Variants in ANKRD22 observed in about 807,000 individuals in gnomAD.
The protein encoded by ANKRD22 is ankyrin repeat domain-containing protein 22.
In ANKRD22, 24 loss-of-function variants were observed where a neutral mutation model predicts 25.7. The observed-to-expected ratio is 0.93, with a 90% CI of 0.68 to 1.31. The LOEUF (loss-of-function observed/expected upper bound fraction) is 1.31, where lower values mean the gene tolerates loss of function less well. Among genes scored for constraint, ANKRD22 ranks in the 50% most tolerant of loss-of-function variants. ANKRD22 has a pLI of 0.00. For synonymous variants in ANKRD22, 84 were observed against 84.3 expected, an observed-to-expected ratio of 1.00 and a Z score of 0.02; for missense variants, 214 against 227.1, an observed-to-expected ratio of 0.94 and a Z score of 0.37.
chr10:88,837,972 G>C (rs1843969435), intron 1 of ANKRD22, among the ~76,000 whole-genome samples: 1 of 152,128 alleles, frequency 6.6e-6, no homozygotes, highest in South Asian at 2.1e-4. Flanking sequence ...ACCCAGTCTT[G>C]GGTATATCTT....
intron 3 of ANKRD22, among the ~76,000 whole-genome samples, chr10:88,826,401 A>G (rs1843856669): frequency 6.6e-6 from 1 of 152,218 alleles, no homozygotes; most frequent in African/African-American, 2.4e-5. Flanking sequence ...GATGGGGCCT[A>G]GTACCTGTCT....
At chr10:88,851,294 A>G (rs1844102390) in intron 1 of ANKRD22, among the ~76,000 whole-genome samples, 1 of 152,166 alleles carries the variant, frequency 6.6e-6, no homozygotes. Context: ...GCACAACTCA[A>G]ACTCGATTTT....
At chr10:88,827,499 A>G (rs1445637965) in intron 3 of ANKRD22, among the ~76,000 whole-genome samples, 1 of 152,214 alleles carries the variant, frequency 6.6e-6, no homozygotes, top group Non-Finnish European at 1.5e-5. Context: ...ATGTTTGTAA[A>G]TAAATAACAG....
intron 4 of ANKRD22, among the ~76,000 whole-genome samples, chr10:88,825,475 A>T (rs1843847255): frequency 6.6e-6 from 1 of 152,196 alleles, no homozygotes; most frequent in Non-Finnish European, 1.5e-5. Context: ...TGTCTTATTT[A>T]TCTGTAGTTT....
At chr10:88,839,087 G>A (rs1843981277) in intron 1 of ANKRD22, among the ~76,000 whole-genome samples, 1 of 152,092 alleles carries the variant, frequency 6.6e-6, no homozygotes, top group South Asian at 2.1e-4. Context: ...CAACTTTGTG[G>A]TGATTTCTGG....
chr10:88,842,216 T>C (rs1262080651), intron 1 of ANKRD22, among the ~76,000 whole-genome samples: 1 of 152,180 alleles, frequency 6.6e-6, no homozygotes, highest in African/African-American at 2.4e-5. Flanking sequence ...ACTCTTTTTA[T>C]ATACCATCTG....
At chr10:88,847,185 G>A (rs2133082825) in intron 1 of ANKRD22, among the ~76,000 whole-genome samples, 1 of 152,130 alleles carries the variant, frequency 6.6e-6, no homozygotes, top group Non-Finnish European at 1.5e-5. Context: ...ATTAACTTCA[G>A]CATAGGACTT....
At chr10:88,839,430 T>C (rs1413893174) in intron 1 of ANKRD22, among the ~76,000 whole-genome samples, 1 of 152,192 alleles carries the variant, frequency 6.6e-6, no homozygotes, top group Non-Finnish European at 1.5e-5. Flanking sequence ...CTCCCATCTC[T>C]GGTCAGGTCA....
At position 88,851,475 on chromosome 10, in the gene ANKRD22, G is replaced by T. The variant is rs1380129710; in HGVS notation, c.21+112C>A. The T allele has an allele frequency of 3.5e-6, 4 of 1,159,130 alleles. No individual in the cohort carries two copies. In the East Asian group the frequency reaches 7.1e-5, roughly 21 times the overall value. The allele number at this position is 1,159,130 out of a possible 1,614,324, so 71.8% of individuals were successfully genotyped here. A position where few individuals can be genotyped will look rare whatever the true frequency, so the allele number is the denominator to read the frequency against. The stretch of plus-strand genomic sequence containing the variant: ...TTTTTTCTGACTTAATGCTCCCCCA[G>T]GGAGTTGAACAGACAAAACAGAAAT... On this transcript the variant is annotated intron_variant, in intron 1 of 5. Coordinates refer to ENST00000371930, the MANE Select transcript of ANKRD22 (RefSeq NM_144590.3).
In ANKRD22 at chr10:88,820,600, T is replaced by G; in HGVS notation, c.*2341A>C. 1 of 1,210,504 alleles carries G rather than the reference T, an allele frequency of 8.3e-7. No homozygotes were observed. Among genetic ancestry groups the G allele is most frequent in the Non-Finnish European group, 1.1e-6 (1 of 893,046 alleles). The allele number at this position is 1,210,504 out of a possible 1,614,324, so 75.0% of individuals were successfully genotyped here. On this transcript the variant is annotated 3_prime_UTR_variant, in exon 6 of 6. Transcript: ENST00000371930. ...AGAGCAGAGACCTAGTATACATTTTTCAGATTCCCTGCACTTGGCACTAAA... is the reference window on the plus strand; with the variant it reads ...AGAGCAGAGACCTAGTATACATTTTGCAGATTCCCTGCACTTGGCACTAAA...
intron 1 of ANKRD22, among the ~76,000 whole-genome samples, chr10:88,836,884 A>G (rs573098839): frequency 1.2e-4 from 18 of 152,322 alleles, no homozygotes; most frequent in Non-Finnish European, 2.5e-4. Flanking sequence ...GACAAAGATC[A>G]TTGAATGTGA....
Position 88,849,548 on chromosome 10 carries a change from G to C in ANKRD22, c.21+2039C>G, listed in dbSNP as rs57579144. On this transcript the variant is annotated intron_variant, in intron 1 of 5. Coordinates refer to ENST00000371930, the MANE Select transcript of ANKRD22 (RefSeq NM_144590.3). ...CAGCCAATAAGCACTTTTCAACTGT[G>C]TAACTATGAGCCAGTGACTACCTTT... is the stretch of plus-strand genomic sequence containing the variant. Among the ~76,000 whole-genome samples the C allele has an allele frequency of 4.0e-3, 606 of 152,206 alleles. 7 individuals are homozygous for C. Among genetic ancestry groups the C allele is most frequent in the African/African-American group, 0.014 (566 of 41,546 alleles).
chr10:88,842,736 G>A (rs1844013715), intron 1 of ANKRD22, among the ~76,000 whole-genome samples: 1 of 152,066 alleles, frequency 6.6e-6, no homozygotes, highest in Admixed American at 6.6e-5. Flanking sequence ...GGACTAGCAT[G>A]TAAGTGAACC....
chr10:88,850,483 T>C (rs1471699012), intron 1 of ANKRD22, among the ~76,000 whole-genome samples: 3 of 152,158 alleles, frequency 2.0e-5, no homozygotes, highest in Admixed American at 6.6e-5. Flanking sequence ...ATCACCCCTA[T>C]GTCAGAACCA....
chr10:88,851,696 A>G lies in ANKRD22; in HGVS notation c.-89T>C. 1 of 1,523,580 alleles carries G rather than the reference A, an allele frequency of 6.6e-7. No individual in the cohort carries two copies. The highest frequency in any genetic ancestry group is 1.7e-5 in the Admixed American group (1 of 59,710). 94.4% of individuals were successfully genotyped at this position (1,523,580 alleles called of 1,614,324 possible). A position where few individuals can be genotyped will look rare whatever the true frequency, so the allele number is the denominator to read the frequency against. ...TGAATATCAAAATCCTTCCTGGCTG[A>G]GAGGAAAGTCCCTAGAAGTCCAAGC... is the stretch of plus-strand genomic sequence containing the variant. On this transcript the variant is annotated 5_prime_UTR_variant, in exon 1 of 6. Transcript: ENST00000371930.
chr10:88,849,207 T>C (rs920272708), intron 1 of ANKRD22, among the ~76,000 whole-genome samples: 27 of 152,182 alleles, frequency 1.8e-4, no homozygotes, highest in African/African-American at 6.0e-4. Context: ...TCCTGAACTC[T>C]TTTAAGTTCT....
In ANKRD22 at chr10:88,826,054, A is replaced by G. The variant is rs778998652; in HGVS notation, c.383T>C (p.Val128Ala). Residue 128 changes from valine to alanine, a missense_variant, in exon 4 of 6, where the codon GTT becomes GCT. Transcript: ENST00000371930. ...TAAACTTACACAATCTGTAGCATTA[A>G]CTTCGACGCCAGCATCAAGTAGCAT... ...VRMLLDAGVE[V>A]NATDCYGCTA... 1 of 1,612,426 alleles carries G rather than the reference A, an allele frequency of 6.2e-7. No individual in the cohort carries two copies. Among genetic ancestry groups the G allele is most frequent in the East Asian group, 2.2e-5 (1 of 44,858 alleles).
intron 1 of ANKRD22, among the ~76,000 whole-genome samples, chr10:88,842,447 TA>T (rs1037910627): frequency 7.0e-4 from 107 of 152,294 alleles, no homozygotes; most frequent in African/African-American, 2.6e-3. Flanking sequence ...CACTAATTTA[TA>T]ATAAACTCTA....
Position 88,820,264 on chromosome 10 carries a change from G to A in ANKRD22, c.*2677C>T. 1.9e-6 allele frequency: 3 copies of A among 1,551,700 alleles called. No individual in the cohort carries two copies. The highest frequency in any genetic ancestry group is 2.6e-6 in the Non-Finnish European group (3 of 1,147,022). ...CTGTAAGGTACAGAGTCAGAGATAT[G>A]ACGGTCCCTACAGCAATGTGGACAG... is the stretch of plus-strand genomic sequence containing the variant. On this transcript the variant is annotated 3_prime_UTR_variant, in exon 6 of 6. Transcript: ENST00000371930.
Sources: allele counts gnomAD v4.1 joint callset (sites outside exome capture counted in the v4.1 genomes callset), GRCh38; gene constraint gnomAD v4.1.1; transcripts MANE v1.5; gene names NCBI Gene and HGNC (gene_info 2026-07-23, HGNC 2026-07-21).